The following RANBP17 variants were observed in gnomAD, a reference collection of about 807,000 sequenced individuals.
RANBP17 encodes ran-binding protein 17.
Under a neutral mutation model 141.2 loss-of-function variants are expected in RANBP17, and 158 were observed. The observed-to-expected ratio is 1.12, with a 90% CI of 0.98 to 1.28. The LOEUF (loss-of-function observed/expected upper bound fraction) is 1.28, where lower values mean the gene tolerates loss of function less well. Among genes scored for constraint, RANBP17 ranks in the 50% most tolerant of loss-of-function variants. The pLI, the probability that RANBP17 is intolerant of heterozygous loss-of-function variation, is 0.00. For synonymous variants in RANBP17, 430 were observed against 450.0 expected, an observed-to-expected ratio of 0.96 and a Z score of 0.56; for missense variants, 1,438 against 1,290.7, an observed-to-expected ratio of 1.11 and a Z score of -1.75.
In RANBP17 at chr5:170,936,576, C is replaced by T. The variant is rs573246513; in HGVS notation, c.1468+12026C>T. On this transcript the variant is annotated intron_variant, in intron 12 of 27. Coordinates refer to ENST00000523189, the MANE Select transcript of RANBP17 (RefSeq NM_022897.5). ...TTACTGATTTTTAAATTTTACCTAC[C>T]TTGGTCAAGTATCATTTTGTGTGAT... is the stretch of plus-strand genomic sequence containing the variant. 2.0e-5 allele frequency among the ~76,000 whole-genome samples: 3 copies of T among 152,030 alleles called. No individual in the cohort carries two copies. The East Asian group carries it at 5.8e-4, about 29-fold the overall frequency.
rs1239816200 is a variant in RANBP17, at chr5:171,189,631, C to G, written c.2038+6201C>G. Among the ~76,000 whole-genome samples the G allele has an allele frequency of 2.6e-5, 4 of 152,186 alleles. No homozygotes were observed. In the East Asian group the frequency reaches 7.7e-4, roughly 29 times the overall value. On this transcript the variant is annotated intron_variant, in intron 18 of 27. Transcript: ENST00000523189. ...ATCATTGGCCTCTCCCAAGACAAAA[C>G]AAATCAAGTGGCTGATTACTTTCAC...
chr5:171,088,990 G>T lies in RANBP17; in HGVS notation c.1711-81140G>T, dbSNP rs1366437519. 2.6e-5 allele frequency among the ~76,000 whole-genome samples: 4 copies of T among 151,766 alleles called. No individual in the cohort carries two copies. In the East Asian group the frequency reaches 7.8e-4, roughly 30 times the overall value. On this transcript the variant is annotated intron_variant, in intron 14 of 27. Transcript: ENST00000523189. ...TCAAAGTCATTCTCCATCCAGCTTT[G>T]TTCCGTTGCTGGTGAGGAACTGCGT... is the stretch of plus-strand genomic sequence containing the variant.
chr5:171,123,032 G>A (rs1756157303), intron 14 of RANBP17, among the ~76,000 whole-genome samples: 2 of 152,162 alleles, frequency 1.3e-5, no homozygotes, highest in South Asian at 4.1e-4. Flanking sequence ...AGGAGTAGGA[G>A]AGTGGCCCTG....
At chr5:171,251,562 T>C (rs1765560482) in intron 24 of RANBP17, among the ~76,000 whole-genome samples, 1 of 151,686 alleles carries the variant, frequency 6.6e-6, no homozygotes, top group Admixed American at 6.6e-5. Flanking sequence ...AAAAAACTTC[T>C]TGAAACAAAT....
intron 14 of RANBP17, among the ~76,000 whole-genome samples, chr5:171,010,391 C>T (rs1248463772): frequency 6.6e-6 from 1 of 152,138 alleles, no homozygotes; most frequent in East Asian, 1.9e-4. Flanking sequence ...ATGTTCTAAC[C>T]TTTAAGCAAG....
At chr5:171,036,707 G>C (rs759660565) in intron 14 of RANBP17, among the ~76,000 whole-genome samples, 1 of 152,038 alleles carries the variant, frequency 6.6e-6, no homozygotes, top group Non-Finnish European at 1.5e-5. Flanking sequence ...TTCTGTTCCT[G>C]TGTTGATTTG....
chr5:171,128,806 A>T (rs922546994), intron 14 of RANBP17, among the ~76,000 whole-genome samples: 1 of 131,180 alleles, frequency 7.6e-6, no homozygotes, highest in Non-Finnish European at 1.7e-5. Context: ...TTAATAAAAA[A>T]ATAAAATAGT....
chr5:171,212,047 C>T (rs1762926268), intron 20 of RANBP17, among the ~76,000 whole-genome samples: 1 of 152,168 alleles, frequency 6.6e-6, no homozygotes, highest in Admixed American at 6.5e-5. Flanking sequence ...TATACAAGTA[C>T]TATGATTGTG....
At chr5:171,257,943 T>A (rs888529207) in intron 24 of RANBP17, among the ~76,000 whole-genome samples, 6 of 151,862 alleles carry the variant, frequency 4.0e-5, no homozygotes, top group Admixed American at 1.3e-4. Context: ...CCGCCTCTAC[T>A]AAAAATACAA....
In RANBP17 at chr5:171,186,629, C is replaced by T. The variant is rs527837816; in HGVS notation, c.2038+3199C>T. 1.2e-4 allele frequency among the ~76,000 whole-genome samples: 17 copies of T among 141,686 alleles called. No individual in the cohort carries two copies. The South Asian group carries it at 3.1e-3, about 26-fold the overall frequency. 93.0% of individuals were successfully genotyped at this position (141,686 alleles called of 152,430 possible). ...TCGGCTCACTGCAAGCTCCGCCTCC[C>T]GGGTTCACGCCATTCTCCTGCCTCA... On this transcript the variant is annotated intron_variant, in intron 18 of 27. Transcript: ENST00000523189.
intron 24 of RANBP17, among the ~76,000 whole-genome samples, chr5:171,259,712 G>A (rs1766153626): frequency 6.6e-6 from 1 of 152,184 alleles, no homozygotes; most frequent in African/African-American, 2.4e-5. Context: ...CAGACATGGT[G>A]GCTCACGCCC....
intron 14 of RANBP17, among the ~76,000 whole-genome samples, chr5:171,084,073 C>T (rs1273780864): frequency 1.3e-5 from 2 of 149,290 alleles, no homozygotes; most frequent in African/African-American, 2.5e-5. Context: ...AACTCGTCAT[C>T]TAGCATTAGG....
At chr5:171,011,886 T>C (rs1471649878) in intron 14 of RANBP17, among the ~76,000 whole-genome samples, 2 of 152,038 alleles carry the variant, frequency 1.3e-5, no homozygotes, top group African/African-American at 4.8e-5. Context: ...TTAATGTCTC[T>C]TTAATCTAAC....
intron 13 of RANBP17, 39 bp downstream of exon 13, chr5:170,953,741 T>A: frequency 7.4e-7 from 1 of 1,351,720 alleles, no homozygotes; most frequent in Non-Finnish European, 1.1e-6. Flanking sequence ...ATTCACTAAA[T>A]AGTTAAAAAA....
chr5:171,040,597 G>A (rs1782190783), intron 14 of RANBP17, among the ~76,000 whole-genome samples: 1 of 152,074 alleles, frequency 6.6e-6, no homozygotes, highest in African/African-American at 2.4e-5. Flanking sequence ...TGTAGAAGGG[G>A]TCCTTGAATT....
At chr5:170,952,361 G>A (rs892412796) in intron 12 of RANBP17, among the ~76,000 whole-genome samples, 1 of 151,932 alleles carries the variant, frequency 6.6e-6, no homozygotes, top group African/African-American at 2.4e-5. Context: ...TAATGTATAA[G>A]GCTGTATAAT....
chr5:170,984,670 T>C (rs943020000), intron 14 of RANBP17, among the ~76,000 whole-genome samples: 6 of 152,080 alleles, frequency 3.9e-5, no homozygotes, highest in African/African-American at 1.2e-4. Context: ...GTTAAATACA[T>C]ATGTAAATGA....
At chr5:170,960,926 A>G (rs1457165107) in intron 13 of RANBP17, among the ~76,000 whole-genome samples, 2 of 152,132 alleles carry the variant, frequency 1.3e-5, no homozygotes, top group Non-Finnish European at 2.9e-5. Context: ...TTTTATTTTT[A>G]GTAGAGACAG....
At chr5:170,913,174 T>C (rs1771669287) in intron 7 of RANBP17, among the ~76,000 whole-genome samples, 1 of 152,018 alleles carries the variant, frequency 6.6e-6, no homozygotes, top group South Asian at 2.1e-4. Flanking sequence ...ATCCCTTATG[T>C]ACTTGCTCTA....
Sources: allele counts gnomAD v4.1 joint callset (sites outside exome capture counted in the v4.1 genomes callset), GRCh38; gene constraint gnomAD v4.1.1; transcripts MANE v1.5; gene names NCBI Gene and HGNC (gene_info 2026-07-23, HGNC 2026-07-21).